CRIM1: variants seen among roughly 807,000 people sequenced by gnomAD.
CRIM1 encodes the protein cysteine-rich motor neuron 1 protein.
CRIM1 carries 32 observed loss-of-function variants against 116.4 expected under a neutral mutation model. The observed-to-expected ratio is 0.27, with a 90% CI of 0.21 to 0.37. The LOEUF is 0.37. Ranked by LOEUF, CRIM1 falls within the 10% of genes least tolerant of loss-of-function variation. The pLI is 1.00. For synonymous variants in CRIM1, 590 were observed against 509.2 expected (o/e 1.16, Z -2.13); for missense variants, 1,331 against 1,354.8 (o/e 0.98, Z 0.28).
intron 2 of CRIM1, among the ~76,000 whole-genome samples, chr2:36,399,947 A>G (rs991567860): frequency 3.3e-5 from 5 of 152,318 alleles, no homozygotes; most frequent in African/African-American, 1.2e-4. Flanking sequence ...CTGACAGCTT[A>G]CTTGAGGTTA....
At chr2:36,418,039 A>C (rs911005799) in intron 2 of CRIM1, among the ~76,000 whole-genome samples, 7 of 152,178 alleles carry the variant, frequency 4.6e-5, no homozygotes, top group African/African-American at 1.4e-4. Flanking sequence ...ACTGGGTGGC[A>C]GGCACATTGC....
intron 1 of CRIM1, among the ~76,000 whole-genome samples, chr2:36,374,494 T>A (rs1234529084): frequency 6.6e-6 from 1 of 152,184 alleles, no homozygotes; most frequent in Non-Finnish European, 1.5e-5. Flanking sequence ...GTAGACATCC[T>A]TCCCCCCACA....
intron 5 of CRIM1, among the ~76,000 whole-genome samples, chr2:36,470,164 G>T (rs1223810752): frequency 6.6e-6 from 1 of 152,180 alleles, no homozygotes; most frequent in Non-Finnish European, 1.5e-5. Context: ...AAGAACTCCT[G>T]AGTTTTGAAA....
intron 1 of CRIM1, among the ~76,000 whole-genome samples, chr2:36,372,126 T>G (rs184074804): frequency 6.6e-6 from 1 of 152,204 alleles, no homozygotes; most frequent in Admixed American, 6.5e-5. Flanking sequence ...AATTTTTAAC[T>G]GTACAGCTTC....
At chr2:36,448,522 T>C (rs1676427838) in intron 4 of CRIM1, among the ~76,000 whole-genome samples, 2 of 152,242 alleles carry the variant, frequency 1.3e-5, no homozygotes, top group African/African-American at 4.8e-5. Context: ...GATACAGGCT[T>C]ACACGGTAGA....
Position 36,379,903 on chromosome 2 carries a change from TAAA to T in CRIM1, c.332-16697_332-16695del, listed in dbSNP as rs34543532. On this transcript the variant is annotated intron_variant, in intron 1 of 16. Transcript: ENST00000280527. ...GATTTATTAAAAGCAATGGTTTGGTTAAAAAAAAAAAAAAAAGGTATGTTTATG... is the reference window on the plus strand; with the variant it reads ...GATTTATTAAAAGCAATGGTTTGGTTAAAAAAAAAAAAAGGTATGTTTATG... Among the ~76,000 whole-genome samples, 510 of 139,718 alleles carry T rather than the reference TAAA, an allele frequency of 3.7e-3. 3 individuals carry two copies. Among genetic ancestry groups the T allele is most frequent in the African/African-American group, 8.8e-3 (329 of 37,548 alleles). 91.7% of individuals were successfully genotyped at this position (139,718 alleles called of 152,430 possible).
chr2:36,455,872 C>A (rs1677095277), intron 4 of CRIM1, among the ~76,000 whole-genome samples: 2 of 152,050 alleles, frequency 1.3e-5, no homozygotes, highest in African/African-American at 4.8e-5. Flanking sequence ...AGGGATGAGT[C>A]CCAGAGCAGT....
intron 13 of CRIM1, among the ~76,000 whole-genome samples, chr2:36,531,430 G>A (rs1323445106): frequency 6.7e-6 from 1 of 149,874 alleles, no homozygotes; most frequent in African/African-American, 2.4e-5. Context: ...AGAGGCTCAT[G>A]TATATCCTAC....
intron 13 of CRIM1, among the ~76,000 whole-genome samples, chr2:36,536,804 G>A (rs1572955507): frequency 2.0e-5 from 3 of 151,930 alleles, no homozygotes; most frequent in East Asian, 1.9e-4. Flanking sequence ...TTTTCTGGGG[G>A]AAAAAAATGG....
At chr2:36,364,656 C>T (rs891949936) in intron 1 of CRIM1, among the ~76,000 whole-genome samples, 1 of 152,138 alleles carries the variant, frequency 6.6e-6, no homozygotes, top group African/African-American at 2.4e-5. Flanking sequence ...GCTAGACAAA[C>T]CTGCATTGAA....
intron 1 of CRIM1, among the ~76,000 whole-genome samples, chr2:36,358,831 G>A (rs527930749): frequency 6.6e-6 from 1 of 152,192 alleles, no homozygotes; most frequent in Non-Finnish European, 1.5e-5. Context: ...ACCAAAGTAA[G>A]GACAGTGTTA....
At chr2:36,465,898 T>G (rs1259598833) in intron 5 of CRIM1, among the ~76,000 whole-genome samples, 1 of 151,928 alleles carries the variant, frequency 6.6e-6, no homozygotes, top group Non-Finnish European at 1.5e-5. Flanking sequence ...TCTTTTTTTT[T>G]TTTTTGAGAC....
Position 36,517,427 on chromosome 2 carries a change from C to T in CRIM1, c.2091C>T (p.Ser697=). 6.2e-7 allele frequency: 1 copy of T among 1,614,248 alleles called. No homozygotes were observed. ...FVEGETWNID[S]CTQCTCHSGR... ...AAGGAGAAACGTGGAACATTGACTC[C>T]TGTACTCAGTGCACCTGCCACAGCG... The change falls in exon 12 of 17, where the codon TCC becomes TCT. Residue 697 remains serine, a synonymous_variant. Coordinates refer to ENST00000280527, the MANE Select transcript of CRIM1 (RefSeq NM_016441.3).
chr2:36,393,222 C>A (rs1274671845), intron 1 of CRIM1, among the ~76,000 whole-genome samples: 1 of 152,064 alleles, frequency 6.6e-6, no homozygotes, highest in East Asian at 1.9e-4. Context: ...ATAGATGATG[C>A]CTAGTGAGAA....
intron 2 of CRIM1, among the ~76,000 whole-genome samples, chr2:36,433,620 A>G (rs1332575701): frequency 1.3e-5 from 2 of 152,208 alleles, no homozygotes; most frequent in Non-Finnish European, 2.9e-5. Flanking sequence ...ACTAATGCCC[A>G]GGCTCCTCCC....
chr2:36,361,465 G>A (rs1281037075), intron 1 of CRIM1, among the ~76,000 whole-genome samples: 2 of 152,174 alleles, frequency 1.3e-5, no homozygotes, highest in East Asian at 3.8e-4. Context: ...GAACAGCTGG[G>A]TGAGGCAGGG....
At chr2:36,448,722 T>C (rs1676450373) in intron 4 of CRIM1, among the ~76,000 whole-genome samples, 2 of 152,272 alleles carry the variant, frequency 1.3e-5, no homozygotes, top group African/African-American at 4.8e-5. Context: ...AGTTCTGTTA[T>C]CAATTTGTTT....
chr2:36,411,498 T>C (rs1241470165), intron 2 of CRIM1, among the ~76,000 whole-genome samples: 1 of 152,220 alleles, frequency 6.6e-6, no homozygotes, highest in Non-Finnish European at 1.5e-5. Context: ...GTCACTTGTA[T>C]TTTTTGTACT....
chr2:36,361,309 G>A (rs1669208187), intron 1 of CRIM1, among the ~76,000 whole-genome samples: 1 of 152,174 alleles, frequency 6.6e-6, no homozygotes, highest in Non-Finnish European at 1.5e-5. Flanking sequence ...AGGGTTGTAA[G>A]CAGTCAGATT....
Sources: allele counts gnomAD v4.1 joint callset (sites outside exome capture counted in the v4.1 genomes callset), GRCh38; gene constraint gnomAD v4.1.1; transcripts MANE v1.5; gene names NCBI Gene and HGNC (gene_info 2026-07-23, HGNC 2026-07-21).